The following PLEKHG1 variants were observed in gnomAD, a reference collection of about 807,000 sequenced individuals.
PLEKHG1 encodes the protein pleckstrin homology domain-containing family G member 1.
In PLEKHG1, 44 loss-of-function variants were observed where a neutral mutation model predicts 100.8. That is an observed-to-expected ratio of 0.44 (90% CI 0.34 to 0.56). The LOEUF (loss-of-function observed/expected upper bound fraction) is 0.56, where lower values mean the gene tolerates loss of function less well. Ranked by LOEUF, PLEKHG1 falls within the 20% of genes least tolerant of loss-of-function variation. PLEKHG1 has a pLI of 0.01. For missense variants in PLEKHG1, 1,545 were observed against 1,720.9 expected, an observed-to-expected ratio of 0.90 and a Z score of 1.81; for synonymous variants, 640 against 662.5, an observed-to-expected ratio of 0.97 and a Z score of 0.52.
In PLEKHG1 at chr6:150,840,550, AAG is replaced by A; in HGVS notation, c.3816_3817del (p.Glu1272AspfsTer2). On this transcript the variant is annotated frameshift_variant, in exon 16 of 16. Transcript: ENST00000358517. LOFTEE classifies it low-confidence loss of function (END_TRUNC). ...ACACAGAATTATTTTTCCAATTTCA[AAG>A]AGACTGATGGAGATGAAGATGACTA... 6.2e-7 allele frequency: 1 copy of A among 1,614,204 alleles called. No individual in the cohort carries two copies. The highest frequency in any genetic ancestry group is 2.2e-5 in the East Asian group (1 of 44,888).
chr6:150,723,483 CTACTA>C (rs1781803800), intron 1 of PLEKHG1, among the ~76,000 whole-genome samples: 1 of 152,146 alleles, frequency 6.6e-6, no homozygotes, highest in Non-Finnish European at 1.5e-5. Context: ...CTTTTCTACC[CTACTA>C]TTTTATGAGT....
intron 1 of PLEKHG1, among the ~76,000 whole-genome samples, chr6:150,615,229 CCACA>C (rs1562384605): frequency 6.6e-6 from 1 of 152,198 alleles, no homozygotes; most frequent in East Asian, 1.9e-4. Context: ...ACTTCCAGGA[CCACA>C]CCTTGGTCTG....
In PLEKHG1 at chr6:150,600,666, G is replaced by A. The variant is rs1776310451; in HGVS notation, c.-204+649G>A. Among the ~76,000 whole-genome samples the A allele has an allele frequency of 6.6e-6, 1 of 152,240 alleles. No individual in the cohort carries two copies. Reference sequence around the variant, plus strand: ...CGGGGTAAACGGTAACACCTGGGCGGCCGCGACTCTGCGAGCGTTCTGGCC... The same window carrying A: ...CGGGGTAAACGGTAACACCTGGGCGACCGCGACTCTGCGAGCGTTCTGGCC... On this transcript the variant is annotated intron_variant, in intron 1 of 3. Transcript: ENST00000367326. The surrounding 1 kb of genome is among the most constrained non-coding windows in gnomAD (Gnocchi z 6.2).
At position 150,828,337 on chromosome 6, in the gene PLEKHG1, C is replaced by T. The variant is rs777771646; in HGVS notation, c.1471-2245C>T. On this transcript the variant is annotated intron_variant, in intron 14 of 15. Coordinates refer to ENST00000358517, the Ensembl canonical transcript of PLEKHG1. ...TGAAGACGTGTTGCTCTCCTCAGTG[C>T]GGCGCTCTGTCCTCATGAAGAGGGA... 260 of 1,611,308 alleles carry T rather than the reference C, an allele frequency of 1.6e-4. 1 individual carries two copies. Among genetic ancestry groups the T allele is most frequent in the Non-Finnish European group, 2.0e-4 (240 of 1,177,690 alleles).
At chr6:150,697,978 T>C (rs1486047371) in intron 3 of PLEKHG1, among the ~76,000 whole-genome samples, 2 of 152,054 alleles carry the variant, frequency 1.3e-5, no homozygotes, top group Non-Finnish European at 2.9e-5. Flanking sequence ...AAGAATGTTA[T>C]GGATAAAGAC....
intron 2 of PLEKHG1, among the ~76,000 whole-genome samples, chr6:150,734,431 A>G (rs548199371): frequency 6.6e-6 from 1 of 152,338 alleles, no homozygotes; most frequent in Non-Finnish European, 1.5e-5. Flanking sequence ...CTCCTGGAGC[A>G]TGAGTGTCAG....
chr6:150,659,080 G>A (rs913060330), intron 3 of PLEKHG1, among the ~76,000 whole-genome samples: 14 of 152,126 alleles, frequency 9.2e-5, no homozygotes, highest in African/African-American at 3.1e-4. Flanking sequence ...CTTCACAGCC[G>A]TCAGATGTGC....
At chr6:150,803,147 A>G (rs1456811225) in intron 6 of PLEKHG1, among the ~76,000 whole-genome samples, 1 of 152,216 alleles carries the variant, frequency 6.6e-6, no homozygotes, top group Non-Finnish European at 1.5e-5. Context: ...GAAAATGTAA[A>G]TTCTTTTACA....
intron 3 of PLEKHG1, among the ~76,000 whole-genome samples, chr6:150,782,401 TAATAA>T (rs1322462668): frequency 2.0e-5 from 3 of 152,038 alleles, no homozygotes; most frequent in Admixed American, 6.6e-5. Context: ...CTCAAAAAAA[TAATAA>T]AATAAAATAA....
chr6:150,739,740 A>G (rs73780101), intron 2 of PLEKHG1, among the ~76,000 whole-genome samples: 1,801 of 152,316 alleles, frequency 0.012, 37 homozygotes, highest in African/African-American at 0.041. Context: ...CAGCAGAAGC[A>G]TAAGCATATC....
intron 3 of PLEKHG1, among the ~76,000 whole-genome samples, chr6:150,704,998 C>T (rs1562449250): frequency 6.6e-6 from 1 of 152,146 alleles, no homozygotes; most frequent in Non-Finnish European, 1.5e-5. Flanking sequence ...TTAATTCCAC[C>T]TCCTTAAAGG....
chr6:150,807,054 T>A (rs6908190), intron 7 of PLEKHG1, among the ~76,000 whole-genome samples: 1 of 152,082 alleles, frequency 6.6e-6, no homozygotes, highest in South Asian at 2.1e-4. Flanking sequence ...GTCATGTTTC[T>A]CAATGCTTGT....
exon 8 of PLEKHG1, chr6:150,809,196 C>G (rs776489132): frequency 6.2e-7 from 1 of 1,613,316 alleles, no homozygotes; most frequent in Non-Finnish European, 8.5e-7. Context: ...ATCCAGCGAG[C>G]CAAGAATGAG....
At chr6:150,605,256 G>A (rs546881852) in intron 1 of PLEKHG1, among the ~76,000 whole-genome samples, 1 of 152,298 alleles carries the variant, frequency 6.6e-6, no homozygotes, top group South Asian at 2.1e-4. Flanking sequence ...ACCAGCCAGA[G>A]AATCAAGCAC....
intron 2 of PLEKHG1, among the ~76,000 whole-genome samples, chr6:150,755,695 C>T (rs949485584): frequency 6.6e-6 from 1 of 152,116 alleles, no homozygotes; most frequent in African/African-American, 2.4e-5. Context: ...CGCCCAGGGC[C>T]TGAGTCCTAG....
At chr6:150,640,551 CTT>C (rs762806208) in intron 2 of PLEKHG1, among the ~76,000 whole-genome samples, 25 of 152,138 alleles carry the variant, frequency 1.6e-4, no homozygotes, top group Non-Finnish European at 2.5e-4. Flanking sequence ...AAAGATCTAT[CTT>C]GTCACCATTT....
chr6:150,755,006 C>G (rs1318392848), intron 2 of PLEKHG1, among the ~76,000 whole-genome samples: 1 of 150,434 alleles, frequency 6.6e-6, no homozygotes, highest in Non-Finnish European at 1.5e-5. Context: ...GATAGGATCT[C>G]GCTCTGTTAC....
intron 2 of PLEKHG1, among the ~76,000 whole-genome samples, chr6:150,735,502 G>A (rs1234102716): frequency 6.6e-6 from 1 of 152,120 alleles, no homozygotes; most frequent in East Asian, 1.9e-4. Context: ...CGTGTGATCC[G>A]CAAATGATAG....
In PLEKHG1 at chr6:150,777,567, T is replaced by C. The variant is rs374530191; in HGVS notation, c.513-8823T>C. ...ATTACTCACACTGATGCAATCCTGG[T>C]GTACATGTGCGGTTGCACATCAGCC... On this transcript the variant is annotated intron_variant, in intron 3 of 15. Coordinates refer to ENST00000358517, the Ensembl canonical transcript of PLEKHG1. Among the ~76,000 whole-genome samples the C allele has an allele frequency of 2.9e-3, 403 of 140,498 alleles. 4 individuals are homozygous for C. Among genetic ancestry groups the C allele is most frequent in the African/African-American group, 8.6e-3 (316 of 36,900 alleles). 92.2% of individuals were successfully genotyped at this position (140,498 alleles called of 152,430 possible).
Sources: allele counts gnomAD v4.1 joint callset (sites outside exome capture counted in the v4.1 genomes callset), GRCh38; gene constraint gnomAD v4.1.1; non-coding constraint Gnocchi (gnomAD v3.1); transcripts MANE v1.5; gene names NCBI Gene and HGNC (gene_info 2026-07-23, HGNC 2026-07-21).